MDN1: variants seen among roughly 807,000 people sequenced by gnomAD.
MDN1 encodes midasin AAA ATPase 1, also known as midasin.
MDN1 carries 266 observed loss-of-function variants against 669.2 expected under a neutral mutation model. The ratio of observed to expected loss-of-function variants is 0.40; its 90% CI spans 0.36 to 0.44. The LOEUF (loss-of-function observed/expected upper bound fraction) is 0.44, where lower values mean the gene tolerates loss of function less well. Ranked by LOEUF, MDN1 falls within the 20% of genes least tolerant of loss-of-function variation. The probability of loss-of-function intolerance (pLI) is 1.00; values close to 1 mark genes in which losing one functional copy is unlikely to be tolerated. For missense variants in MDN1, 5,940 were observed against 6,754.0 expected, an observed-to-expected ratio of 0.88 and a Z score of 4.22; for synonymous variants, 2,385 against 2,457.1, an observed-to-expected ratio of 0.97 and a Z score of 0.87.
chr6:89,662,716 A>C, intron 86 of MDN1, 76 bp downstream of exon 86: 3 of 1,454,978 alleles, frequency 2.1e-6, no homozygotes, highest in Non-Finnish European at 2.8e-6. Flanking sequence ...AAGAGAAGTA[A>C]ATGACAGAGA....
chr6:89,758,930 C>T lies in MDN1; in HGVS notation c.2491G>A (p.Glu831Lys). 6.2e-7 allele frequency: 1 copy of T among 1,613,952 alleles called. No individual in the cohort carries two copies. The highest frequency in any genetic ancestry group is 8.5e-7 in the Non-Finnish European group (1 of 1,179,798). Residue 831 changes from glutamate (E) to lysine (K), a missense_variant, in exon 18 of 102, where the codon GAG (glutamate) becomes AAG (lysine). By Grantham distance (56) the Glu-to-Lys change is moderately conservative. This residue lies in a region of MDN1 where 1,203 missense variants were observed against 1,268.9 expected (regional missense o/e 0.95). Coordinates refer to ENST00000369393, the MANE Select transcript of MDN1 (RefSeq NM_014611.3). ...TTAATCTCATCCAACAAGATCCACT[C>T]TCCTTTCTTTACAGCCTGAGCTAAT... ...GTLAQAVKKG[E>K]WILLDEINLA... is the part of the protein sequence containing the mutation.
At chr6:89,756,467 A>G in intron 19 of MDN1, 77 bp from the exon 20 acceptor site, 2 of 693,866 alleles carry the variant, frequency 2.9e-6, no homozygotes, top group Non-Finnish European at 4.8e-6. Context: ...ATGAAACAGA[A>G]GAAGCTATGT....
chr6:89,776,566 T>C, intron 12 of MDN1, 34 bp downstream of exon 12: 1 of 1,536,838 alleles, frequency 6.5e-7, no homozygotes, highest in Non-Finnish European at 8.9e-7. Flanking sequence ...CCTAGCCTCC[T>C]TTCAACAGGG....
At chr6:89,723,664 T>C (rs769280107) in intron 38 of MDN1, 45 bp from the exon 39 acceptor site, 1 of 1,135,782 alleles carries the variant, frequency 8.8e-7, no homozygotes, top group Non-Finnish European at 1.2e-6. Context: ...TGTTTCTCTT[T>C]ACCAAACACT....
At chr6:89,667,937 C>A in intron 84 of MDN1, 77 bp downstream of exon 84, 1 of 1,557,754 alleles carries the variant, frequency 6.4e-7, no homozygotes, top group Non-Finnish European at 8.7e-7. Context: ...TAGTAAAAAC[C>A]ATTTTTATGT....
Position 89,654,352 on chromosome 6 carries a change from A to G in MDN1, c.15491-18T>C. 2 of 1,613,572 alleles carry G rather than the reference A, an allele frequency of 1.2e-6. No individual in the cohort carries two copies. Among genetic ancestry groups the G allele is most frequent in the East Asian group, 2.2e-5 (1 of 44,876 alleles). On this transcript the variant is annotated intron_variant, in intron 92 of 101. Transcript: ENST00000369393. The stretch of plus-strand genomic sequence containing the variant: ...GGCCACATCTGTCAACAAAGCACGC[A>G]CCCACACATAAAAATCCTAGGTCTT...
chr6:89,814,789 C>T, intron 1 of MDN1: 1 of 438,686 alleles, frequency 2.3e-6, no homozygotes. Context: ...ATTGGGAGAT[C>T]TCCGCCAGGG....
At chr6:89,769,406 G>A (rs1440334512) in intron 15 of MDN1, among the ~76,000 whole-genome samples, 2 of 152,154 alleles carry the variant, frequency 1.3e-5, no homozygotes, top group Non-Finnish European at 2.9e-5. Context: ...CACAAAAACT[G>A]AGAAAAGGCT....
At position 89,674,392 on chromosome 6, in the gene MDN1, T is replaced by A; in HGVS notation, c.12959A>T (p.His4320Leu). The change falls in exon 79 of 102, where the codon CAT becomes CTT. Residue 4320 changes from histidine (H) to leucine (L), a missense_variant. Physicochemically the swap from His to Leu is moderately conservative, Grantham distance 99. Coordinates refer to ENST00000369393, the MANE Select transcript of MDN1 (RefSeq NM_014611.3). ...CCPSVGPAPG[H>L]GNVQVLGQPP... Reference sequence around the variant, plus strand: ...CTGCCCCAGTACCTGGACATTGCCATGGCCTGGAGCTGGCCCTACACTGGG... The same window carrying A: ...CTGCCCCAGTACCTGGACATTGCCAAGGCCTGGAGCTGGCCCTACACTGGG... 6.2e-7 allele frequency: 1 copy of A among 1,614,190 alleles called. No individual in the cohort carries two copies. The highest frequency in any genetic ancestry group is 8.5e-7 in the Non-Finnish European group (1 of 1,180,026).
chr6:89,711,077 C>T (rs1250095231), intron 49 of MDN1, among the ~76,000 whole-genome samples: 1 of 152,120 alleles, frequency 6.6e-6, no homozygotes, highest in East Asian at 1.9e-4. Context: ...GACAGATGAC[C>T]ACATGTGTTA....
chr6:89,735,286 A>G (rs1181530644), intron 33 of MDN1, among the ~76,000 whole-genome samples: 1 of 152,066 alleles, frequency 6.6e-6, no homozygotes, highest in Non-Finnish European at 1.5e-5. Flanking sequence ...TATTGTTTAC[A>G]AAAGTTTGAG....
rs766215363 is a variant in MDN1 at position 89,692,730 on chromosome 6, T to C, written c.10300A>G (p.Thr3434Ala). The C allele has an allele frequency of 6.2e-6, 10 of 1,613,942 alleles. No homozygotes were observed. The South Asian group carries it at 8.8e-5, about 14-fold the overall frequency. ...SSMVGADRLG[T>A]LATALLAFPS... is the part of the protein sequence containing the mutation. ...AAAGCCAGCAAGGCTGTGGCCAGGG[T>C]CCCCAGCCTGTCTGCACCAACCATA... The change falls in exon 63 of 102, where the codon ACC becomes GCC. Residue 3434 changes from threonine to alanine, a missense_variant. Thr to Ala is a moderately conservative substitution (Grantham distance 58, BLOSUM62 0). Coordinates refer to ENST00000369393, the MANE Select transcript of MDN1 (RefSeq NM_014611.3).
intron 1 of MDN1, among the ~76,000 whole-genome samples, chr6:89,808,999 C>T (rs2128330799): frequency 6.6e-6 from 1 of 150,764 alleles, no homozygotes; most frequent in East Asian, 2.0e-4. Flanking sequence ...GGAGGATCAC[C>T]TAAGCTCAGG....
intron 83 of MDN1, among the ~76,000 whole-genome samples, chr6:89,669,096 G>A (rs940128237): frequency 8.5e-5 from 13 of 152,168 alleles, no homozygotes; most frequent in Non-Finnish European, 1.5e-4. Context: ...CAGCTGCTAC[G>A]TCTGGGATAG....
rs1813719225 is a variant in MDN1, at chr6:89,709,208, G to A, written c.7766-580C>T. Among the ~76,000 whole-genome samples the A allele has an allele frequency of 2.6e-5, 4 of 152,114 alleles. No homozygotes were observed. In the South Asian group the frequency reaches 8.3e-4, roughly 32 times the overall value. On this transcript the variant is annotated intron_variant, in intron 50 of 101. Coordinates refer to ENST00000369393, the MANE Select transcript of MDN1 (RefSeq NM_014611.3). ...AGTTGTGAAAACCCAAGGAAGGGAG[G>A]CAAGACACAAAAAAGGGTAACATTA...
intron 17 of MDN1, among the ~76,000 whole-genome samples, chr6:89,759,566 C>A (rs1453222628): frequency 6.6e-6 from 1 of 152,104 alleles, no homozygotes; most frequent in Non-Finnish European, 1.5e-5. Context: ...GAGTTCGACA[C>A]CAGCCTGACC....
At position 89,767,665 on chromosome 6, in the gene MDN1, A is replaced by G. The variant is rs182347102; in HGVS notation, c.2144+3896T>C. On this transcript the variant is annotated intron_variant, in intron 15 of 101. Coordinates refer to ENST00000369393, the MANE Select transcript of MDN1 (RefSeq NM_014611.3). The stretch of plus-strand genomic sequence containing the variant: ...CAGCTACTCGGGAGGCTGAGGCAGG[A>G]GAATCGCTTGAACCAAGGAGGCAGG... Among the ~76,000 whole-genome samples, 259 of 152,232 alleles carry G rather than the reference A, an allele frequency of 1.7e-3. 1 individual carries two copies. Among genetic ancestry groups the G allele is most frequent in the African/African-American group, 5.8e-3 (241 of 41,550 alleles).
chr6:89,674,486 G>T lies in MDN1; in HGVS notation c.12865C>A (p.Arg4289Ser). Residue 4289 changes from arginine (R) to serine (S), a missense_variant, in exon 79 of 102, where the codon CGC (arginine) becomes AGC (serine). Physicochemically the swap from Arg to Ser is moderately radical, Grantham distance 110. Around this residue, in one of 5 missense-constraint regions of MDN1, gnomAD observed 2,280 missense variants for 2,576.3 expected, o/e 0.88. Coordinates refer to ENST00000369393, the MANE Select transcript of MDN1 (RefSeq NM_014611.3). Reference protein sequence around the residue: ...PQDGVQQWTERLQHLAMQCQI... With the variant: ...PQDGVQQWTESLQHLAMQCQI... ...CACTGCATGGCCAGGTGCTGCAGGC[G>T]CTCTGTCCACTGCTGCACGCCATCC... 2.5e-6 allele frequency: 4 copies of T among 1,612,754 alleles called. No individual in the cohort carries two copies. The highest frequency in any genetic ancestry group is 3.4e-6 in the Non-Finnish European group (4 of 1,179,974).
chr6:89,753,246 A>G (rs1562181830), intron 22 of MDN1, among the ~76,000 whole-genome samples: 3 of 152,218 alleles, frequency 2.0e-5, no homozygotes, highest in Admixed American at 1.3e-4. Flanking sequence ...CAACATATAC[A>G]TATCAAAATT....
Sources: allele counts gnomAD v4.1 joint callset (sites outside exome capture counted in the v4.1 genomes callset), GRCh38; gene constraint gnomAD v4.1.1; regional missense constraint gnomAD v4.1.1; transcripts MANE v1.5; gene names NCBI Gene and HGNC (gene_info 2026-07-23, HGNC 2026-07-21).